Variants in KAT2B observed in about 807,000 individuals in gnomAD.
KAT2B encodes the protein histone acetyltransferase KAT2B.
In KAT2B, 36 loss-of-function variants were observed where a neutral mutation model predicts 105.9. That is an observed-to-expected ratio of 0.34 (90% CI 0.26 to 0.45). The LOEUF (loss-of-function observed/expected upper bound fraction) is 0.45. Among genes scored for constraint, KAT2B ranks in the 20% least tolerant of loss-of-function variants. The pLI, the probability that KAT2B is intolerant of heterozygous loss-of-function variation, is 1.00. For missense variants in KAT2B, 820 were observed against 1,021.6 expected, an observed-to-expected ratio of 0.80 and a Z score of 2.69; for synonymous variants, 397 against 377.9, an observed-to-expected ratio of 1.05 and a Z score of -0.59.
At chr3:20,085,575 A>G (rs906937854) in intron 2 of KAT2B, among the ~76,000 whole-genome samples, 1 of 148,840 alleles carries the variant, frequency 6.7e-6, no homozygotes, top group Non-Finnish European at 1.5e-5. Context: ...CAGTGGTGCA[A>G]TTTTGGCTCA....
At chr3:20,134,363 A>G (rs898725592) in intron 11 of KAT2B, among the ~76,000 whole-genome samples, 1 of 151,932 alleles carries the variant, frequency 6.6e-6, no homozygotes, top group African/African-American at 2.4e-5. Context: ...CACCTTGATT[A>G]TGGTCTTTTT....
At chr3:20,147,330 C>A (rs1241517893) in intron 14 of KAT2B, among the ~76,000 whole-genome samples, 1 of 151,598 alleles carries the variant, frequency 6.6e-6, no homozygotes, top group Non-Finnish European at 1.5e-5. Context: ...TGAATGCCTA[C>A]TTGTGCCACG....
chr3:20,103,054 C>G (rs1698936758), intron 5 of KAT2B, among the ~76,000 whole-genome samples: 1 of 152,134 alleles, frequency 6.6e-6, no homozygotes, highest in Admixed American at 6.5e-5. Context: ...AAAGTATTTT[C>G]TCCTTAATAA....
At chr3:20,106,991 ATATATATATATATATATATATATATT>A (rs1699023092) in intron 5 of KAT2B, among the ~76,000 whole-genome samples, 12 of 20,106 alleles carry the variant, frequency 6.0e-4, no homozygotes, top group Admixed American at 9.5e-4. Context: ...ATATATATAT[ATATATATATATATATATATATATATT>A]TTTTTTTTTT....
At chr3:20,132,347 TG>T (rs747383018) in intron 11 of KAT2B, among the ~76,000 whole-genome samples, 3 of 152,210 alleles carry the variant, frequency 2.0e-5, no homozygotes, top group Non-Finnish European at 4.4e-5. Flanking sequence ...CACTTCAGCC[TG>T]GGCAACAAGA....
chr3:20,148,629 C>T (rs1052393324), intron 17 of KAT2B, 142 bp downstream of exon 17: 2 of 623,688 alleles, frequency 3.2e-6, no homozygotes, highest in Non-Finnish European at 2.8e-6. Context: ...TGCACCGTGG[C>T]GGGTCAGTGA....
At chr3:20,139,655 G>T (rs929155355) in intron 12 of KAT2B, among the ~76,000 whole-genome samples, 1 of 151,972 alleles carries the variant, frequency 6.6e-6, no homozygotes, top group African/African-American at 2.4e-5. Flanking sequence ...GAAGCAGTCT[G>T]TTATTATGGC....
chr3:20,058,263 G>A (rs1698034586), intron 1 of KAT2B, among the ~76,000 whole-genome samples: 1 of 151,978 alleles, frequency 6.6e-6, no homozygotes, highest in South Asian at 2.1e-4. Context: ...TTCAAGACCA[G>A]CCTGGCCAAC....
intron 10 of KAT2B, 24 bp from the exon 11 acceptor site, chr3:20,127,399 T>G (rs1171700311): frequency 6.2e-7 from 1 of 1,606,002 alleles, no homozygotes. Context: ...TAGGTAAAAC[T>G]TTGACATAAT....
chr3:20,052,023 A>G (rs1697923829), intron 1 of KAT2B, among the ~76,000 whole-genome samples: 2 of 152,246 alleles, frequency 1.3e-5, no homozygotes, highest in South Asian at 4.1e-4. Context: ...AAATGGAATC[A>G]AGTCTTTTAT....
intron 2 of KAT2B, among the ~76,000 whole-genome samples, chr3:20,090,317 G>A (rs1413169281): frequency 2.0e-5 from 3 of 152,186 alleles, no homozygotes; most frequent in African/African-American, 7.2e-5. Flanking sequence ...ACCATTGAGT[G>A]TGATGTTAAT....
At chr3:20,096,741 A>G (rs935090380) in intron 3 of KAT2B, among the ~76,000 whole-genome samples, 2 of 152,096 alleles carry the variant, frequency 1.3e-5, no homozygotes, top group Admixed American at 6.6e-5. Flanking sequence ...CAAATTTTGT[A>G]CCCAGTTCCT....
chr3:20,103,202 G>C (rs1159946636), intron 5 of KAT2B, among the ~76,000 whole-genome samples: 1 of 152,072 alleles, frequency 6.6e-6, no homozygotes, highest in East Asian at 1.9e-4. Flanking sequence ...TGAAACTCTT[G>C]TTTATAATAA....
At chr3:20,047,556 C>G (rs1697835519) in intron 1 of KAT2B, among the ~76,000 whole-genome samples, 1 of 151,198 alleles carries the variant, frequency 6.6e-6, no homozygotes, top group African/African-American at 2.4e-5. Flanking sequence ...CACCACAACC[C>G]AGTGTTATGA....
intron 11 of KAT2B, among the ~76,000 whole-genome samples, chr3:20,133,791 T>G (rs1173927341): frequency 6.6e-6 from 1 of 152,202 alleles, no homozygotes; most frequent in Non-Finnish European, 1.5e-5. Context: ...TTGCTGGCAC[T>G]GGGTACATAA....
At chr3:20,127,038 AT>A (rs1699417510) in intron 10 of KAT2B, among the ~76,000 whole-genome samples, 1 of 152,150 alleles carries the variant, frequency 6.6e-6, no homozygotes, top group Non-Finnish European at 1.5e-5. Flanking sequence ...TTTCTGTAAT[AT>A]TTTGGAGTAA....
chr3:20,067,456 A>C (rs1012316358), intron 1 of KAT2B, among the ~76,000 whole-genome samples: 5 of 152,164 alleles, frequency 3.3e-5, no homozygotes, highest in Non-Finnish European at 7.3e-5. Context: ...TGTTAAGACA[A>C]GAAGGGGCAT....
At chr3:20,128,063 A>G (rs1699437593) in intron 11 of KAT2B, among the ~76,000 whole-genome samples, 1 of 152,158 alleles carries the variant, frequency 6.6e-6, no homozygotes, top group Non-Finnish European at 1.5e-5. Flanking sequence ...GTGTGTGAGG[A>G]GAGTAAGTGG....
intron 3 of KAT2B, among the ~76,000 whole-genome samples, chr3:20,098,208 C>T (rs899421015): frequency 4.0e-5 from 6 of 149,802 alleles, no homozygotes; most frequent in African/African-American, 7.4e-5. Flanking sequence ...CCAACCTGGC[C>T]GACAGAGTGA....
Sources: allele counts gnomAD v4.1 joint callset (sites outside exome capture counted in the v4.1 genomes callset), GRCh38; gene constraint gnomAD v4.1.1; transcripts MANE v1.5; gene names NCBI Gene and HGNC (gene_info 2026-07-23, HGNC 2026-07-21).